RFX3: variants seen among roughly 807,000 people sequenced by gnomAD.
RFX3 encodes the protein regulatory factor X3, also known as transcription factor RFX3.
RFX3 carries 14 observed loss-of-function variants against 98.6 expected under a neutral mutation model. That is an observed-to-expected ratio of 0.14 (90% CI 0.09 to 0.22). The LOEUF is 0.22. RFX3 is among the 10% of genes least tolerant of loss of function. The pLI is 1.00. For missense variants in RFX3, 639 were observed against 926.9 expected, an observed-to-expected ratio of 0.69 and a Z score of 4.03; for synonymous variants, 383 against 328.4, an observed-to-expected ratio of 1.17 and a Z score of -1.80.
intron 1 of RFX3, among the ~76,000 whole-genome samples, chr9:3,404,347 T>A (rs1460776355): frequency 6.6e-6 from 1 of 152,136 alleles, no homozygotes; most frequent in Admixed American, 6.6e-5. Flanking sequence ...GTAAACAGAT[T>A]AAAGACTATA....
chr9:3,340,334 T>C (rs1833726921), intron 3 of RFX3, among the ~76,000 whole-genome samples: 2 of 152,148 alleles, frequency 1.3e-5, no homozygotes, highest in Admixed American at 1.3e-4. Flanking sequence ...ATTCAGGACA[T>C]AAGCATGGGC....
chr9:3,463,877 G>A lies in RFX3; in HGVS notation c.-9+61870C>T, dbSNP rs576333380. ...CGGTCCCAGCTCCTCAGAGGGTGAG[G>A]TGGGAGGATTGTTTGGGCCTGGGAA... On this transcript the variant is annotated intron_variant, in intron 1 of 16. Coordinates refer to ENST00000617270, the MANE Select transcript of RFX3 (RefSeq NM_001282116.2). Among the ~76,000 whole-genome samples, 3 of 152,244 alleles carry A rather than the reference G, an allele frequency of 2.0e-5. No homozygotes were observed. The East Asian group carries it at 5.8e-4, about 29-fold the overall frequency.
chr9:3,248,772 C>G (rs1409921893), intron 14 of RFX3, among the ~76,000 whole-genome samples: 1 of 152,052 alleles, frequency 6.6e-6, no homozygotes, highest in Admixed American at 6.6e-5. Context: ...TTAATGATTT[C>G]CACTTAAATT....
intron 1 of RFX3, among the ~76,000 whole-genome samples, chr9:3,419,296 TATA>T (rs1304412936): frequency 2.0e-5 from 3 of 152,228 alleles, no homozygotes; most frequent in Non-Finnish European, 4.4e-5. Context: ...AATTATACTT[TATA>T]ATATCTTCCA....
chr9:3,224,955 A>C lies in RFX3; in HGVS notation c.*87T>G. ...TTCAGCACAGATAGAATTTGACAAC[A>C]GTCGACCTTCAGGCTTATTAAATTT... On this transcript the variant is annotated 3_prime_UTR_variant, in exon 17 of 17. Coordinates refer to ENST00000617270, the MANE Select transcript of RFX3 (RefSeq NM_001282116.2). The C allele has an allele frequency of 7.7e-7, 1 of 1,296,172 alleles. No individual in the cohort carries two copies. The highest frequency in any genetic ancestry group is 2.3e-5 in the East Asian group (1 of 43,158). The allele number at this position is 1,296,172 out of a possible 1,614,324, so 80.3% of individuals were successfully genotyped here. A position where few individuals can be genotyped will look rare whatever the true frequency, so the allele number is the denominator to read the frequency against.
At chr9:3,327,631 AT>A (rs1435212761) in intron 4 of RFX3, among the ~76,000 whole-genome samples, 1 of 152,038 alleles carries the variant, frequency 6.6e-6, no homozygotes, top group Non-Finnish European at 1.5e-5. Context: ...ACAAAAAAAA[AT>A]CACCTTAGAA....
chr9:3,410,278 G>A (rs375615585), intron 1 of RFX3, among the ~76,000 whole-genome samples: 1 of 148,272 alleles, frequency 6.7e-6, no homozygotes, highest in Admixed American at 6.8e-5. Flanking sequence ...TTGCCAACTT[G>A]TTTTTCTCTA....
Position 3,457,999 on chromosome 9 carries a change from A to C in RFX3, c.-8-62403T>G, listed in dbSNP as rs565963907. On this transcript the variant is annotated intron_variant, in intron 1 of 16. Transcript: ENST00000617270. ...GCATGAAATAGCTGCTTAAGTCTTCATCAAGGAAATGACATCTGAGTTGAG... is the reference window on the plus strand; with the variant it reads ...GCATGAAATAGCTGCTTAAGTCTTCCTCAAGGAAATGACATCTGAGTTGAG... Among the ~76,000 whole-genome samples the C allele has an allele frequency of 5.9e-5, 9 of 152,306 alleles. No homozygotes were observed. In the South Asian group the frequency reaches 1.9e-3, roughly 32 times the overall value.
chr9:3,317,934 C>G (rs1830817268), intron 4 of RFX3, among the ~76,000 whole-genome samples: 2 of 152,154 alleles, frequency 1.3e-5, no homozygotes, highest in African/African-American at 4.8e-5. Flanking sequence ...GGACTGTAAG[C>G]TAGTTTAACC....
intron 14 of RFX3, among the ~76,000 whole-genome samples, chr9:3,252,900 T>C (rs1055972530): frequency 2.0e-5 from 3 of 152,234 alleles, no homozygotes; most frequent in African/African-American, 7.2e-5. Context: ...AAAGAATCAG[T>C]TGAATTGTAT....
intron 1 of RFX3, among the ~76,000 whole-genome samples, chr9:3,459,430 A>G (rs1212560446): frequency 6.6e-6 from 1 of 152,148 alleles, no homozygotes; most frequent in African/African-American, 2.4e-5. Context: ...ACAAGATCCT[A>G]CTGATTAAAT....
intron 3 of RFX3, among the ~76,000 whole-genome samples, 182 bp downstream of exon 3, chr9:3,346,485 T>A (rs759340198): frequency 2.0e-5 from 3 of 152,146 alleles, no homozygotes; most frequent in Non-Finnish European, 2.9e-5. Context: ...GAAAGGAAAA[T>A]GAGTGCATAT....
chr9:3,514,398 T>C (rs998498635), intron 1 of RFX3, among the ~76,000 whole-genome samples: 1 of 152,210 alleles, frequency 6.6e-6, no homozygotes, highest in Admixed American at 6.5e-5. Flanking sequence ...TCTTAATATA[T>C]CTACTACACT....
At chr9:3,419,589 G>A (rs1466625733) in intron 1 of RFX3, among the ~76,000 whole-genome samples, 1 of 152,058 alleles carries the variant, frequency 6.6e-6, no homozygotes, top group African/African-American at 2.4e-5. Flanking sequence ...GTACTCTTCT[G>A]AGAACTAAGT....
chr9:3,424,450 C>T (rs1011704323), intron 1 of RFX3, among the ~76,000 whole-genome samples: 5 of 149,066 alleles, frequency 3.4e-5, no homozygotes, highest in Non-Finnish European at 7.4e-5. Flanking sequence ...CAAGCTCCGC[C>T]TCCCGGGTTC....
At chr9:3,520,784 C>CTCACCTCAGTCTCCTGAGT (rs1443765595) in intron 1 of RFX3, among the ~76,000 whole-genome samples, 1 of 152,196 alleles carries the variant, frequency 6.6e-6, no homozygotes, top group East Asian at 1.9e-4. Flanking sequence ...AAAAAATTCT[C>CTCACCTCAGTCTCCTGAGT]TCACCTCAGT....
chr9:3,348,663 T>G (rs1255528720), intron 2 of RFX3, among the ~76,000 whole-genome samples: 2 of 152,034 alleles, frequency 1.3e-5, no homozygotes, highest in Non-Finnish European at 2.9e-5. Context: ...AATGACTTTA[T>G]CCCCCAGTAC....
At chr9:3,429,925 C>T (rs559318256) in intron 1 of RFX3, among the ~76,000 whole-genome samples, 3 of 152,326 alleles carry the variant, frequency 2.0e-5, no homozygotes, top group Admixed American at 2.0e-4. Context: ...CCACGGCCCA[C>T]TTGCAGAGCC....
intron 1 of RFX3, among the ~76,000 whole-genome samples, chr9:3,499,452 C>T (rs543159585): frequency 6.6e-6 from 1 of 151,928 alleles, no homozygotes; most frequent in South Asian, 2.1e-4. Flanking sequence ...AAATCTATAC[C>T]AGCCTATCAT....
Sources: allele counts gnomAD v4.1 joint callset (sites outside exome capture counted in the v4.1 genomes callset), GRCh38; gene constraint gnomAD v4.1.1; transcripts MANE v1.5; gene names NCBI Gene and HGNC (gene_info 2026-07-23, HGNC 2026-07-21).